GTPBP4: variants seen among roughly 807,000 people sequenced by gnomAD.
The protein encoded by GTPBP4 is GTP-binding protein 4.
GTPBP4 carries 15 observed loss-of-function variants against 81.7 expected under a neutral mutation model. That is an observed-to-expected ratio of 0.18 (90% CI 0.12 to 0.28). The LOEUF (loss-of-function observed/expected upper bound fraction) is 0.28. Among genes scored for constraint, GTPBP4 ranks in the 10% least tolerant of loss-of-function variants. The pLI, the probability that GTPBP4 is intolerant of heterozygous loss-of-function variation, is 1.00. For missense variants in GTPBP4, 847 were observed against 793.8 expected (o/e 1.07, Z -0.81); for synonymous variants, 272 against 274.6 (o/e 0.99, Z 0.09).
At chr10:1,006,185 C>T (rs1465049350) in intron 9 of GTPBP4, among the ~76,000 whole-genome samples, 7 of 152,214 alleles carry the variant, frequency 4.6e-5, no homozygotes, top group Non-Finnish European at 8.8e-5. Flanking sequence ...TTTAATATTT[C>T]GGTAGCAAGT....
At position 1,007,024 on chromosome 10, in the gene GTPBP4, G is replaced by A. The variant is rs201467313; in HGVS notation, c.1009G>A (p.Asp337Asn). 114 of 1,604,890 alleles carry A rather than the reference G, an allele frequency of 7.1e-5. 1 individual carries two copies. The highest frequency in any genetic ancestry group is 3.3e-4 in the Middle Eastern group (2 of 6,074). ...TTCTTTTTTACGTTATTAGGCTTGC[G>A]ATAGGCTTTTGGCTCATCGAGTGGA... ...GVIKVKTEAC[D>N]RLLAHRVETK... is the part of the protein sequence containing the mutation. Residue 337 changes from aspartate to asparagine, a missense_variant, in exon 10 of 17, where the codon GAT becomes AAT. This residue lies in a region of GTPBP4 where 600 missense variants were observed against 557.1 expected (regional missense o/e 1.08). Transcript: ENST00000360803.
At position 1,017,872 on chromosome 10, in the gene GTPBP4, C is replaced by T. The variant is rs901320736; in HGVS notation, c.*645C>T. On this transcript the variant is annotated 3_prime_UTR_variant, in exon 17 of 17. Coordinates refer to ENST00000360803, the MANE Select transcript of GTPBP4 (RefSeq NM_012341.3). Reference sequence around the variant, plus strand: ...TGGGCATTCTCCTATTTCTGTGGCCCGTCCCTGAAGTTACATGTTCAGTAA... The same window carrying T: ...TGGGCATTCTCCTATTTCTGTGGCCTGTCCCTGAAGTTACATGTTCAGTAA... 6 of 152,162 alleles carry T rather than the reference C, an allele frequency of 3.9e-5. No homozygotes were observed. The highest frequency in any genetic ancestry group is 1.4e-4 in the African/African-American group (6 of 41,436). The allele number at this position is 152,162 out of a possible 1,614,324, so 9.4% of individuals were successfully genotyped here. A position where few individuals can be genotyped will look rare whatever the true frequency, so the allele number is the denominator to read the frequency against.
rs546190346 is a variant in GTPBP4 at position 1,004,473 on chromosome 10, T to A, written c.913-1345T>A. Among the ~76,000 whole-genome samples, 12 of 152,130 alleles carry A rather than the reference T, an allele frequency of 7.9e-5. 1 individual carries two copies. In the South Asian group the frequency reaches 2.5e-3, roughly 32 times the overall value. Reference sequence around the variant, plus strand: ...GGAGTACAATGTCAGCTCCTCCCCATGGTATGTGGCTGGTCAGCCTGGGCC... The same window carrying A: ...GGAGTACAATGTCAGCTCCTCCCCAAGGTATGTGGCTGGTCAGCCTGGGCC... On this transcript the variant is annotated intron_variant, in intron 8 of 16. Transcript: ENST00000360803.
At chr10:1,016,065 G>T (rs1831986954) in intron 16 of GTPBP4, among the ~76,000 whole-genome samples, 169 bp downstream of exon 16, 2 of 152,246 alleles carry the variant, frequency 1.3e-5, no homozygotes, top group Admixed American at 6.5e-5. Flanking sequence ...GGGTCAGGGT[G>T]CAGGTGGATG....
intron 8 of GTPBP4, among the ~76,000 whole-genome samples, chr10:1,003,011 C>G (rs1287133465): frequency 4.6e-5 from 7 of 152,210 alleles, no homozygotes; most frequent in Non-Finnish European, 1.0e-4. Flanking sequence ...TAAGCCTTTT[C>G]CCTTCTCTTC....
intron 8 of GTPBP4, among the ~76,000 whole-genome samples, chr10:1,005,471 ATCG>A (rs1464939106): frequency 4.6e-5 from 7 of 151,906 alleles, no homozygotes; most frequent in Admixed American, 4.6e-4. Context: ...GCTGTATTTC[ATCG>A]TCTTGCGTTT....
chr10:989,858 T>A (rs1831411602), intron 1 of GTPBP4, among the ~76,000 whole-genome samples: 1 of 152,286 alleles, frequency 6.6e-6, no homozygotes, highest in Non-Finnish European at 1.5e-5. Context: ...TGCCTCAGCC[T>A]CCCGAGTAGC....
At chr10:1,004,817 G>T (rs1286449540) in intron 8 of GTPBP4, among the ~76,000 whole-genome samples, 1 of 152,158 alleles carries the variant, frequency 6.6e-6, no homozygotes, top group Non-Finnish European at 1.5e-5. Context: ...TTTGGAGGCA[G>T]TTTAGCCTCA....
chr10:991,436 C>G (rs889614825), intron 1 of GTPBP4, among the ~76,000 whole-genome samples: 2 of 152,134 alleles, frequency 1.3e-5, no homozygotes, highest in African/African-American at 4.8e-5. Flanking sequence ...CACTGGGTAA[C>G]TCATGCAAAA....
In GTPBP4 at chr10:989,910, T is replaced by C. The variant is rs1307789210; in HGVS notation, c.48+1383T>C. Among the ~76,000 whole-genome samples the C allele has an allele frequency of 3.3e-5, 5 of 152,106 alleles. No homozygotes were observed. In the East Asian group the frequency reaches 9.6e-4, roughly 29 times the overall value. On this transcript the variant is annotated intron_variant, in intron 1 of 16. Transcript: ENST00000360803. ...CGCCACCAGGCCTGGCTAATTTTTG[T>C]ATTTTCAGTAGAAGTGGAGTTTCAC...
chr10:1,013,720 A>G (rs1262693275), intron 14 of GTPBP4, among the ~76,000 whole-genome samples: 1 of 152,262 alleles, frequency 6.6e-6, no homozygotes, highest in African/African-American at 2.4e-5. Flanking sequence ...GACTGGGGGA[A>G]GAAAGCCCAC....
At chr10:1,007,172 G>C in intron 10 of GTPBP4, 44 bp downstream of exon 10, 1 of 1,072,064 alleles carries the variant, frequency 9.3e-7, no homozygotes, top group East Asian at 2.4e-5. Flanking sequence ...AGTACTGTCA[G>C]CAGGTGCTGT....
At chr10:1,015,197 C>T (rs777184218) in intron 15 of GTPBP4, among the ~76,000 whole-genome samples, 3 of 152,176 alleles carry the variant, frequency 2.0e-5, no homozygotes, top group Non-Finnish European at 4.4e-5. Flanking sequence ...AATATTTGAC[C>T]AACAACTAAT....
At chr10:1,005,433 C>T (rs1030252852) in intron 8 of GTPBP4, among the ~76,000 whole-genome samples, 3 of 152,162 alleles carry the variant, frequency 2.0e-5, no homozygotes, top group African/African-American at 4.8e-5. Context: ...CATGAGCCAC[C>T]GCGCCTGGCC....
chr10:991,153 T>C (rs1301894081), intron 1 of GTPBP4, among the ~76,000 whole-genome samples: 1 of 152,202 alleles, frequency 6.6e-6, no homozygotes, highest in Admixed American at 6.5e-5. Flanking sequence ...GTGCCCCTCA[T>C]AGTACAATAC....
In GTPBP4 at chr10:1,019,558, C is replaced by T. The variant is rs370074580; in HGVS notation, c.*2331C>T. On this transcript the variant is annotated 3_prime_UTR_variant, in exon 17 of 17. Coordinates refer to ENST00000360803, the MANE Select transcript of GTPBP4 (RefSeq NM_012341.3). ...TTGTGAAGCTCCACAAACGGGGTCA[C>T]GTCATCCAGGTGAGGCCACCACCGG... The T allele has an allele frequency of 1.9e-5, 31 of 1,613,658 alleles. No individual in the cohort carries two copies. The highest frequency in any genetic ancestry group is 1.9e-5 in the Non-Finnish European group (23 of 1,179,916).
At chr10:1,016,975 A>T in intron 16 of GTPBP4, 100 bp from the exon 17 acceptor site, 2 of 910,814 alleles carry the variant, frequency 2.2e-6, no homozygotes, top group Non-Finnish European at 3.4e-6. Context: ...CGCTGAGCAG[A>T]CCTGAGCCAT....
chr10:1,019,631 T>C lies in GTPBP4; in HGVS notation c.*2404T>C, dbSNP rs759878110. ...TTCTTAGCCAGGGGGTGACTTTGAC[T>C]TCACCCCTCGCCTCCCTCTCCAGCA... is the stretch of plus-strand genomic sequence containing the variant. On this transcript the variant is annotated 3_prime_UTR_variant, in exon 17 of 17. Coordinates refer to ENST00000360803, the MANE Select transcript of GTPBP4 (RefSeq NM_012341.3). The C allele has an allele frequency of 2.6e-5, 42 of 1,613,884 alleles. No homozygotes were observed. Among genetic ancestry groups the C allele is most frequent in the Non-Finnish European group, 3.6e-5 (42 of 1,179,980 alleles).
In GTPBP4 at chr10:1,017,291, T is replaced by A. The variant is rs372140582; in HGVS notation, c.*64T>A. On this transcript the variant is annotated 3_prime_UTR_variant, in exon 17 of 17. Transcript: ENST00000360803. ...GTTTATTTCCTGGTTTGGCACAGTATGGTTTCATGAAATTGGAGCTCTGTA... is the reference window on the plus strand; with the variant it reads ...GTTTATTTCCTGGTTTGGCACAGTAAGGTTTCATGAAATTGGAGCTCTGTA... 1 of 1,439,576 alleles carries A rather than the reference T, an allele frequency of 6.9e-7. No individual in the cohort carries two copies. Among genetic ancestry groups the A allele is most frequent in the African/African-American group, 1.4e-5 (1 of 70,396 alleles). 89.2% of individuals were successfully genotyped at this position (1,439,576 alleles called of 1,614,324 possible). A position where few individuals can be genotyped will look rare whatever the true frequency, so the allele number is the denominator to read the frequency against.
Sources: allele counts gnomAD v4.1 joint callset (sites outside exome capture counted in the v4.1 genomes callset), GRCh38; gene constraint gnomAD v4.1.1; regional missense constraint gnomAD v4.1.1; transcripts MANE v1.5; gene names NCBI Gene and HGNC (gene_info 2026-07-23, HGNC 2026-07-21).